Variants in PALMD observed in about 807,000 individuals in gnomAD.
PALMD encodes the protein palmdelphin.
A neutral mutation model predicts 56.2 loss-of-function variants in PALMD; 42 were observed. The ratio of observed to expected loss-of-function variants is 0.75; its 90% CI spans 0.58 to 0.97. The LOEUF (loss-of-function observed/expected upper bound fraction) is 0.97. PALMD is among the 50% of genes least tolerant of loss of function. The pLI, the probability that PALMD is intolerant of heterozygous loss-of-function variation, is 0.00. For synonymous variants in PALMD, 242 were observed against 222.9 expected (o/e 1.09, Z -0.76); for missense variants, 660 against 643.8 (o/e 1.03, Z -0.27).
rs546693477 is a variant in PALMD, at chr1:99,680,297, A to C, written c.252-6379A>C. 4.6e-5 allele frequency among the ~76,000 whole-genome samples: 7 copies of C among 152,324 alleles called. No homozygotes were observed. The South Asian group carries it at 1.2e-3, about 27-fold the overall frequency. ...GGTTATTACTACAACAGTTCATGAA[A>C]TGAAAGCTACCTGCTTTTACCCAGG... is the stretch of plus-strand genomic sequence containing the variant. On this transcript the variant is annotated intron_variant, in intron 3 of 7. Transcript: ENST00000263174.
chr1:99,665,217 C>G (rs150715557), intron 2 of PALMD, among the ~76,000 whole-genome samples: 1 of 152,116 alleles, frequency 6.6e-6, no homozygotes, highest in South Asian at 2.1e-4. Context: ...CTCAGGAAAA[C>G]CTTTTCCTAA....
At chr1:99,693,708 G>A (rs997485355) in intron 7 of PALMD, among the ~76,000 whole-genome samples, 5 of 152,132 alleles carry the variant, frequency 3.3e-5, no homozygotes, top group Non-Finnish European at 7.4e-5. Context: ...TCAACCTATA[G>A]GAATCTGTAT....
At chr1:99,690,974 C>A (rs1023141683) in intron 7 of PALMD, among the ~76,000 whole-genome samples, 11 of 152,086 alleles carry the variant, frequency 7.2e-5, no homozygotes, top group Non-Finnish European at 1.3e-4. Context: ...GTAAAATGAA[C>A]CTTCTCCCAT....
chr1:99,661,103 A>G (rs966652541), intron 1 of PALMD, among the ~76,000 whole-genome samples: 1 of 152,216 alleles, frequency 6.6e-6, no homozygotes, highest in Non-Finnish European at 1.5e-5. Flanking sequence ...AATGCTGCCA[A>G]ACATTTTTGG....
At chr1:99,652,312 G>T (rs919456980) in intron 1 of PALMD, among the ~76,000 whole-genome samples, 3 of 152,058 alleles carry the variant, frequency 2.0e-5, no homozygotes, top group African/African-American at 7.2e-5. Context: ...CAGGACTTCC[G>T]TAGATTTCTG....
intron 3 of PALMD, chr1:99,669,049 A>ATTTGAT (rs1653030184): frequency 1.3e-5 from 2 of 152,224 alleles, no homozygotes; most frequent in South Asian, 4.1e-4. Flanking sequence ...ACACAAAAGT[A>ATTTGAT]TTTGGTATCT....
At chr1:99,677,588 A>G (rs1653243376) in intron 3 of PALMD, among the ~76,000 whole-genome samples, 1 of 152,184 alleles carries the variant, frequency 6.6e-6, no homozygotes, top group African/African-American at 2.4e-5. Context: ...TAAATGGAGG[A>G]CAAGCAGTTC....
rs1477447547 is a variant in PALMD, at chr1:99,686,695, G to C, written c.271G>C (p.Asp91His). 6.3e-7 allele frequency: 1 copy of C among 1,596,204 alleles called. No individual in the cohort carries two copies. The highest frequency in any genetic ancestry group is 1.7e-5 in the Admixed American group (1 of 58,792). Residue 91 changes from aspartate (D) to histidine (H), a missense_variant, in exon 4 of 8, where the codon GAT (aspartate) becomes CAT (histidine). Physicochemically the swap from Asp to His is moderately conservative, Grantham distance 81. Transcript: ENST00000263174. ...SILRLEKEIQ[D>H]LEKAELQIST... ...TGTCAGGCTTGAGAAAGAGATCCAA[G>C]ATCTTGAAAAAGCTGAACTGCAAAT... is the stretch of plus-strand genomic sequence containing the variant.
intron 3 of PALMD, 21 bp from the exon 4 acceptor site, chr1:99,686,655 A>AG: frequency 7.8e-7 from 1 of 1,277,980 alleles, no homozygotes; most frequent in Non-Finnish European, 1.1e-6. Flanking sequence ...AGCAATAAAA[A>AG]GTATACCTTT....
chr1:99,678,131 G>A (rs1472444004), intron 3 of PALMD, among the ~76,000 whole-genome samples: 1 of 146,234 alleles, frequency 6.8e-6, no homozygotes. Context: ...TTTTTTTTGA[G>A]ACTGTCTCAC....
In PALMD at chr1:99,684,208, T is replaced by C. The variant is rs1392353928; in HGVS notation, c.252-2468T>C. ...CCCAGGACCAAATCTAGCCCTGGCC[T>C]GATTTTGTACAGACACAAGCTAAAA... On this transcript the variant is annotated intron_variant, in intron 3 of 7. Transcript: ENST00000263174. 3 of 152,228 alleles carry C rather than the reference T, an allele frequency of 2.0e-5. No homozygotes were observed. The East Asian group carries it at 5.8e-4, about 29-fold the overall frequency. 9.4% of individuals were successfully genotyped at this position (152,228 alleles called of 1,614,324 possible).
chr1:99,667,814 A>G (rs1653000690), intron 3 of PALMD, 48 bp downstream of exon 3: 1 of 1,561,718 alleles, frequency 6.4e-7, no homozygotes, highest in East Asian at 2.2e-5. Flanking sequence ...TTTTGACTTT[A>G]TCCCATGTTG....
chr1:99,670,080 G>T (rs1162627570), intron 3 of PALMD, among the ~76,000 whole-genome samples: 1 of 152,154 alleles, frequency 6.6e-6, no homozygotes, highest in Non-Finnish European at 1.5e-5. Context: ...CTCTCTTATA[G>T]AAAATCTTTG....
chr1:99,647,656 T>C (rs1170098339), intron 1 of PALMD, among the ~76,000 whole-genome samples: 2 of 152,270 alleles, frequency 1.3e-5, no homozygotes, highest in Non-Finnish European at 2.9e-5. Context: ...GGACAGGAAC[T>C]CGGCTCTGCT....
chr1:99,660,602 A>G (rs1361336118), intron 1 of PALMD, among the ~76,000 whole-genome samples: 1 of 152,084 alleles, frequency 6.6e-6, no homozygotes, highest in East Asian at 1.9e-4. Flanking sequence ...ATCCAAAGAA[A>G]GAAGTGATTC....
rs1487947192 is a variant in PALMD at position 99,686,767 on chromosome 1, C to T, written c.343C>T (p.Arg115Trp). The change falls in exon 4 of 8, where the codon CGG becomes TGG. Residue 115 changes from arginine to tryptophan, a missense_variant. Coordinates refer to ENST00000263174, the MANE Select transcript of PALMD (RefSeq NM_017734.5). ...AILKKLKSIE[R>W]TTEDIIRSVK... ...TTTAAAGAAACTAAAGTCAATTGAGCGGACAACAGAAGACATTATAAGAGT... is the reference window on the plus strand; with the variant it reads ...TTTAAAGAAACTAAAGTCAATTGAGTGGACAACAGAAGACATTATAAGAGT... 14 of 1,587,896 alleles carry T rather than the reference C, an allele frequency of 8.8e-6. No individual in the cohort carries two copies. Among genetic ancestry groups the T allele is most frequent in the East Asian group, 4.5e-5 (2 of 44,610 alleles).
At chr1:99,671,179 T>C (rs1653079348) in intron 3 of PALMD, among the ~76,000 whole-genome samples, 1 of 152,188 alleles carries the variant, frequency 6.6e-6, no homozygotes, top group Admixed American at 6.5e-5. Context: ...CCCCCTCAGC[T>C]AGAGGATAAG....
At chr1:99,654,730 T>C (rs1652681640) in intron 1 of PALMD, among the ~76,000 whole-genome samples, 2 of 152,128 alleles carry the variant, frequency 1.3e-5, no homozygotes, top group African/African-American at 4.8e-5. Context: ...TGATTATCTC[T>C]GGATAGTGAC....
At chr1:99,672,532 A>G (rs1284831218) in intron 3 of PALMD, among the ~76,000 whole-genome samples, 1 of 152,142 alleles carries the variant, frequency 6.6e-6, no homozygotes, top group Non-Finnish European at 1.5e-5. Context: ...GCCCACACCC[A>G]AAATGACACC....
Sources: gnomAD v4.1 joint callset for allele counts (sites outside exome capture counted in the v4.1 genomes callset) on GRCh38, gnomAD v4.1.1 for gene constraint, MANE v1.5 for transcripts, NCBI Gene and HGNC (gene_info 2026-07-23, HGNC 2026-07-21) for gene names.